The following LAMA1 variants were observed in gnomAD, a reference collection of about 807,000 sequenced individuals.
LAMA1 encodes laminin subunit alpha 1.
In LAMA1, 219 loss-of-function variants were observed where a neutral mutation model predicts 348.7. The observed-to-expected ratio is 0.63, with a 90% CI of 0.56 to 0.70. The LOEUF is 0.70. Among genes scored for constraint, LAMA1 ranks in the 30% least tolerant of loss-of-function variants. LAMA1 has a pLI of 0.00. For missense variants in LAMA1, 3,744 were observed against 3,888.0 expected (o/e 0.96, Z 0.99); for synonymous variants, 1,487 against 1,491.0 (o/e 1.00, Z 0.06).
chr18:7,001,527 G>T (rs534437732), intron 30 of LAMA1, among the ~76,000 whole-genome samples: 1 of 152,136 alleles, frequency 6.6e-6, no homozygotes, highest in South Asian at 2.1e-4. Flanking sequence ...CCTCTCATTT[G>T]GTACTCACCA....
chr18:6,952,983 TCCACG>T (rs1479301931), intron 57 of LAMA1, among the ~76,000 whole-genome samples: 1,602 of 92,740 alleles, frequency 0.017, 51 homozygotes, highest in Non-Finnish European at 0.03. Flanking sequence ...GTCCGGCGGA[TCCACG>T]CCATAGGAGC....
intron 24 of LAMA1, 91 bp from the exon 25 acceptor site, chr18:7,011,570 G>A: frequency 1.7e-6 from 2 of 1,187,750 alleles, no homozygotes; most frequent in Non-Finnish European, 2.5e-6. Context: ...TTTCACAGAT[G>A]AAACAGCTTC....
intron 62 of LAMA1, 92 bp downstream of exon 62, chr18:6,943,088 C>G: frequency 1.8e-6 from 2 of 1,083,788 alleles, no homozygotes; most frequent in Non-Finnish European, 2.8e-6. Context: ...AACCATGTAC[C>G]TTTCTCAATC....
Position 6,956,371 on chromosome 18 carries a change from C to G in LAMA1, c.8094+265G>C, listed in dbSNP as rs1442179177. ...AATTGATAATGAGTCCTTATAGAAG[C>G]TCTGCCAAAAGCATATTATACATCA... On this transcript the variant is annotated intron_variant, in intron 56 of 62. Transcript: ENST00000389658. The G allele has an allele frequency of 9.8e-6, 6 of 612,442 alleles. No individual in the cohort carries two copies. The Admixed American group carries it at 1.3e-4, about 14-fold the overall frequency. The allele number at this position is 612,442 out of a possible 1,614,324, so 37.9% of individuals were successfully genotyped here. A position where few individuals can be genotyped will look rare whatever the true frequency, so the allele number is the denominator to read the frequency against.
chr18:7,032,319 G>A (rs1186973641), intron 15 of LAMA1, 143 bp from the exon 16 acceptor site: 2 of 700,694 alleles, frequency 2.9e-6, no homozygotes, highest in Non-Finnish European at 2.6e-6. Flanking sequence ...CATTTTAAGT[G>A]TACAATTCAA....
chr18:6,953,410 T>C (rs1600344316), intron 57 of LAMA1, among the ~76,000 whole-genome samples: 1 of 152,380 alleles, frequency 6.6e-6, no homozygotes, highest in South Asian at 2.1e-4. Flanking sequence ...AATCTCTTCC[T>C]GTGCCTAATT....
intron 1 of LAMA1, among the ~76,000 whole-genome samples, chr18:7,106,391 C>T (rs1163622078): frequency 1.3e-5 from 2 of 149,612 alleles, no homozygotes; most frequent in African/African-American, 2.5e-5. Flanking sequence ...GACAGAGTCT[C>T]ACTCTGTCGC....
intron 33 of LAMA1, 123 bp from the exon 34 acceptor site, chr18:6,995,569 A>AT: frequency 1.5e-6 from 1 of 684,538 alleles, no homozygotes; most frequent in African/African-American, 1.8e-5. Flanking sequence ...TGGAACTGTC[A>AT]TTTTAAAAAA....
Position 6,979,408 on chromosome 18 carries a change from T to C in LAMA1, c.6008-1030A>G, listed in dbSNP as rs2057698052. Among the ~76,000 whole-genome samples, 4 of 152,246 alleles carry C rather than the reference T, an allele frequency of 2.6e-5. No individual in the cohort carries two copies. In the South Asian group the frequency reaches 6.2e-4, roughly 24 times the overall value. ...GGAGGACAGGCACAGTGGCTCACACTTGTAATCCCAGAACTTTGGGAGACC... is the reference window on the plus strand; with the variant it reads ...GGAGGACAGGCACAGTGGCTCACACCTGTAATCCCAGAACTTTGGGAGACC... On this transcript the variant is annotated intron_variant, in intron 42 of 62. Coordinates refer to ENST00000389658, the MANE Select transcript of LAMA1 (RefSeq NM_005559.4).
In LAMA1 at chr18:7,080,053, G is replaced by C. The variant is rs1275139245; in HGVS notation, c.267C>G (p.Thr89=). The change falls in exon 3 of 63, where the codon ACC becomes ACG. Residue 89 remains threonine, a synonymous_variant. Transcript: ENST00000389658. Reference sequence around the variant, plus strand: ...TGCTGGGACTTTGCCACCAGTTATTGGTGCCATCTATGGCATGTGATATTG... The same window carrying C: ...TGCTGGGACTTTGCCACCAGTTATTCGTGCCATCTATGGCATGTGATATTG... ...RHPISHAIDG[T]NNWWQSPSIQ... 3.1e-6 allele frequency: 5 copies of C among 1,613,808 alleles called. No homozygotes were observed. In the East Asian group the frequency reaches 1.1e-4, roughly 36 times the overall value.
chr18:7,017,624 T>C (rs1011653767), intron 19 of LAMA1, among the ~76,000 whole-genome samples: 1 of 152,188 alleles, frequency 6.6e-6, no homozygotes, highest in African/African-American at 2.4e-5. Flanking sequence ...AGACAATAAT[T>C]AGCGAATTCG....
intron 55 of LAMA1, 149 bp from the exon 56 acceptor site, chr18:6,956,914 G>T: frequency 1.2e-6 from 1 of 812,918 alleles, no homozygotes; most frequent in Non-Finnish European, 2.0e-6. Flanking sequence ...CCTTCACTGT[G>T]ACTCAGAGTC....
rs531293674 is a variant in LAMA1 at position 6,947,367 on chromosome 18, G to A, written c.8711-71C>T. ...CCCAGGTTGAGCATTTGGCCTCCTG[G>A]CTAGGGGTTGGGGGACCTGGCTCTA... On this transcript the variant is annotated intron_variant, in intron 60 of 62. Coordinates refer to ENST00000389658, the MANE Select transcript of LAMA1 (RefSeq NM_005559.4). 339 of 1,597,572 alleles carry A rather than the reference G, an allele frequency of 2.1e-4. 5 individuals carry two copies. The South Asian group carries it at 3.7e-3, about 17-fold the overall frequency.
At chr18:6,979,274 T>C (rs1258517647) in intron 42 of LAMA1, among the ~76,000 whole-genome samples, 1 of 152,216 alleles carries the variant, frequency 6.6e-6, no homozygotes, top group Non-Finnish European at 1.5e-5. Flanking sequence ...CATGCCCAGT[T>C]TCCCCAGGTA....
In LAMA1 at chr18:7,050,873, A is replaced by T. The variant is rs78151989; in HGVS notation, c.409T>A (p.Leu137Met). ...GTGGTGCCATCCAGAGAACGCTCCAAAATCCAGTTTCCAGGTCGAGGGGCA... is the reference window on the plus strand; with the variant it reads ...GTGGTGCCATCCAGAGAACGCTCCATAATCCAGTTTCCAGGTCGAGGGGCA... ...ANAPRPGNWI[L>M]ERSLDGTTFS... is the part of the protein sequence containing the mutation. Residue 137 changes from leucine (L) to methionine (M), a missense_variant, in exon 4 of 63, where the codon TTG becomes ATG. Transcript: ENST00000389658. 40 of 1,614,230 alleles carry T rather than the reference A, an allele frequency of 2.5e-5. No homozygotes were observed. In the East Asian group the frequency reaches 8.9e-4, roughly 36 times the overall value.
chr18:6,943,780 T>C (rs2057510476), intron 61 of LAMA1, among the ~76,000 whole-genome samples: 1 of 145,030 alleles, frequency 6.9e-6, no homozygotes. Context: ...GAGGCAGAGG[T>C]TGCGGTGAGC....
intron 3 of LAMA1, among the ~76,000 whole-genome samples, chr18:7,068,374 T>C (rs1378598675): frequency 1.3e-5 from 2 of 152,222 alleles, no homozygotes; most frequent in African/African-American, 4.8e-5. Flanking sequence ...TTGTCCACTT[T>C]CTTTGCACTA....
intron 61 of LAMA1, 141 bp downstream of exon 61, chr18:6,947,022 A>T: frequency 9.1e-7 from 1 of 1,094,104 alleles, no homozygotes; most frequent in Admixed American, 2.1e-5. Context: ...TTCTTGTAGC[A>T]ATATCTGTTT....
At chr18:7,080,488 G>A (rs755418292) in intron 1 of LAMA1, 31 bp from the exon 2 acceptor site, 1 of 1,610,726 alleles carries the variant, frequency 6.2e-7, no homozygotes, top group South Asian at 1.1e-5. Flanking sequence ...AATCAGCTGA[G>A]CCACTTGAAA....
Sources: gnomAD v4.1 joint callset for allele counts (sites outside exome capture counted in the v4.1 genomes callset) on GRCh38, gnomAD v4.1.1 for gene constraint, MANE v1.5 for transcripts, NCBI Gene and HGNC (gene_info 2026-07-23, HGNC 2026-07-21) for gene names.